PARVA: variants seen among roughly 807,000 people sequenced by gnomAD.
The protein encoded by PARVA is parvin alpha, also known as alpha-parvin.
A neutral mutation model predicts 52.6 loss-of-function variants in PARVA; 25 were observed. The ratio of observed to expected loss-of-function variants is 0.48; its 90% CI spans 0.35 to 0.66. PARVA has a LOEUF of 0.66. Among genes scored for constraint, PARVA ranks in the 30% least tolerant of loss-of-function variants. PARVA has a pLI of 0.01. For synonymous variants in PARVA, 185 were observed against 179.1 expected, an observed-to-expected ratio of 1.03 and a Z score of -0.26; for missense variants, 373 against 450.9, an observed-to-expected ratio of 0.83 and a Z score of 1.56.
intron 4 of PARVA, among the ~76,000 whole-genome samples, chr11:12,489,897 A>G (rs1378661016): frequency 6.6e-6 from 1 of 152,194 alleles, no homozygotes; most frequent in Admixed American, 6.5e-5. Context: ...AGCCAAAAAA[A>G]CTGTTAGGAG....
chr11:12,502,456 G>A (rs1026873379), intron 5 of PARVA, among the ~76,000 whole-genome samples: 10 of 151,956 alleles, frequency 6.6e-5, no homozygotes, highest in Admixed American at 3.3e-4. Context: ...ATGAAGAGCC[G>A]TGAAGCTGGT....
intron 1 of PARVA, among the ~76,000 whole-genome samples, chr11:12,414,821 T>C (rs578092049): frequency 6.6e-6 from 1 of 152,324 alleles, no homozygotes; most frequent in Admixed American, 6.5e-5. Flanking sequence ...GGCCAGGAGT[T>C]CTGTGGGTTA....
At chr11:12,452,613 C>CT (rs752150228) in intron 1 of PARVA, 1 of 160,586 alleles carries the variant, frequency 6.2e-6, no homozygotes, top group African/African-American at 2.4e-5. Flanking sequence ...AGGTGAGACT[C>CT]TTTTCTCAGT....
In PARVA at chr11:12,513,396, C is replaced by T. The variant is rs544629701; in HGVS notation, c.798+36C>T. 97 of 1,566,804 alleles carry T rather than the reference C, an allele frequency of 6.2e-5. 1 individual carries two copies. The highest frequency in any genetic ancestry group is 1.6e-4 in the African/African-American group (12 of 74,062). ...GGTGCCTGGGATGGACAGAGGGAAGCGAGATGCAACAGAACATTGGGAAAA... is the reference window on the plus strand; with the variant it reads ...GGTGCCTGGGATGGACAGAGGGAAGTGAGATGCAACAGAACATTGGGAAAA... On this transcript the variant is annotated intron_variant, in intron 9 of 12. Coordinates refer to ENST00000334956, the MANE Select transcript of PARVA (RefSeq NM_018222.5).
chr11:12,382,428 G>A (rs1939505444), intron 1 of PARVA, among the ~76,000 whole-genome samples: 1 of 148,822 alleles, frequency 6.7e-6, no homozygotes, highest in Non-Finnish European at 1.5e-5. Context: ...TCATCTCAAG[G>A]TTTTTCTAAT....
intron 4 of PARVA, among the ~76,000 whole-genome samples, chr11:12,492,642 T>C (rs7113366): frequency 0.017 from 2,649 of 152,270 alleles, 80 homozygotes; most frequent in African/African-American, 0.06. Flanking sequence ...TTTAAAATGT[T>C]AGAAAATTAA....
chr11:12,481,348 T>C (rs1010397562), intron 4 of PARVA, among the ~76,000 whole-genome samples: 4 of 152,186 alleles, frequency 2.6e-5, no homozygotes, highest in African/African-American at 9.6e-5. Flanking sequence ...ATCGTTCACT[T>C]TTTTGCTCAT....
At chr11:12,502,491 T>G (rs1941375305) in intron 5 of PARVA, among the ~76,000 whole-genome samples, 1 of 151,938 alleles carries the variant, frequency 6.6e-6, no homozygotes, top group Non-Finnish European at 1.5e-5. Flanking sequence ...AGGCAAAATA[T>G]CTGATGAATC....
chr11:12,522,421 C>CTTTTTTTTTTTTTTT (rs66494894), intron 12 of PARVA, among the ~76,000 whole-genome samples: 4 of 134,634 alleles, frequency 3.0e-5, no homozygotes, highest in African/African-American at 1.1e-4. Context: ...GAGCTTTATT[C>CTTTTTTTTTTTTTTT]TTTTTTTTTT....
intron 1 of PARVA, among the ~76,000 whole-genome samples, chr11:12,400,533 T>C (rs2134964159): frequency 6.6e-6 from 1 of 152,330 alleles, no homozygotes; most frequent in East Asian, 1.9e-4. Flanking sequence ...TTATATGACC[T>C]TGATGGTCCT....
At chr11:12,379,548 C>G (rs981162882) in intron 1 of PARVA, among the ~76,000 whole-genome samples, 4 of 152,110 alleles carry the variant, frequency 2.6e-5, no homozygotes, top group African/African-American at 9.7e-5. Context: ...ATATTTGTAA[C>G]CATTAATCAA....
intron 12 of PARVA, among the ~76,000 whole-genome samples, chr11:12,524,615 C>G (rs922851864): frequency 6.6e-5 from 10 of 152,226 alleles, no homozygotes; most frequent in African/African-American, 2.4e-4. Context: ...TGGCCTTGCT[C>G]TCTCCCAAGT....
intron 4 of PARVA, among the ~76,000 whole-genome samples, chr11:12,490,529 AGAG>A (rs1410474183): frequency 2.6e-3 from 137 of 53,274 alleles, no homozygotes; most frequent in Non-Finnish European, 6.0e-3. Flanking sequence ...AAAAAAAAAA[AGAG>A]AGAGAGAGAA....
chr11:12,440,830 A>C (rs1181596369), intron 1 of PARVA, among the ~76,000 whole-genome samples: 1 of 152,218 alleles, frequency 6.6e-6, no homozygotes, highest in Non-Finnish European at 1.5e-5. Context: ...TCCCTCTCAT[A>C]CTAAGTCTCT....
At chr11:12,491,800 G>A (rs1441390128) in intron 4 of PARVA, among the ~76,000 whole-genome samples, 1 of 152,012 alleles carries the variant, frequency 6.6e-6, no homozygotes. Context: ...TAAGAAAAAA[G>A]TTCATAGAGA....
intron 12 of PARVA, among the ~76,000 whole-genome samples, chr11:12,525,361 T>C (rs1941687281): frequency 6.6e-6 from 1 of 152,156 alleles, no homozygotes; most frequent in Non-Finnish European, 1.5e-5. Context: ...CAGCCATGCC[T>C]GGAGGCCTAT....
rs1383044628 is a variant in PARVA, at chr11:12,532,437, AT to A, written c.*4513del. ...CCAATCTTGTTTGATCACAGGATGT[AT>A]CTGTCCCCTGAGAAATTTCTAGGAT... On this transcript the variant is annotated 3_prime_UTR_variant, in exon 13 of 13. Transcript: ENST00000334956. 2.0e-5 allele frequency among the ~76,000 whole-genome samples: 3 copies of A among 152,166 alleles called. No individual in the cohort carries two copies. Among genetic ancestry groups the A allele is most frequent in the African/African-American group, 7.2e-5 (3 of 41,446 alleles).
chr11:12,461,030 C>T lies in PARVA; in HGVS notation c.137-12715C>T, dbSNP rs748950528. Among the ~76,000 whole-genome samples, 8 of 152,168 alleles carry T rather than the reference C, an allele frequency of 5.3e-5. 1 individual carries two copies. In the South Asian group the frequency reaches 1.5e-3, roughly 28 times the overall value. ...AGTTTGCGGGATGCAGCGTCCCCCC[C>T]TCTCACATTAAAACATCCTCCAGGT... On this transcript the variant is annotated intron_variant, in intron 1 of 12. Transcript: ENST00000334956.
intron 5 of PARVA, among the ~76,000 whole-genome samples, chr11:12,499,072 A>G (rs191907832): frequency 2.0e-5 from 3 of 152,328 alleles, no homozygotes; most frequent in African/African-American, 4.8e-5. Flanking sequence ...CTAATATCAG[A>G]TAGCACCAAA....
Sources: gnomAD v4.1 joint callset for allele counts (sites outside exome capture counted in the v4.1 genomes callset) on GRCh38, gnomAD v4.1.1 for gene constraint, MANE v1.5 for transcripts, NCBI Gene and HGNC (gene_info 2026-07-23, HGNC 2026-07-21) for gene names.